Variants in RAD18 observed in about 807,000 individuals in gnomAD.
RAD18 encodes the protein RAD18 E3 ubiquitin protein ligase.
In RAD18, 47 loss-of-function variants were observed where a neutral mutation model predicts 60.4. That is an observed-to-expected ratio of 0.78 (90% CI 0.62 to 0.99). The LOEUF is 0.99. RAD18 is among the 50% of genes least tolerant of loss of function. The pLI, the probability that RAD18 is intolerant of heterozygous loss-of-function variation, is 0.00. For missense variants in RAD18, 640 were observed against 593.3 expected, an observed-to-expected ratio of 1.08 and a Z score of -0.82; for synonymous variants, 225 against 195.5, an observed-to-expected ratio of 1.15 and a Z score of -1.26.
intron 7 of RAD18, among the ~76,000 whole-genome samples, chr3:8,924,179 G>T (rs1165863394): frequency 6.6e-6 from 1 of 151,914 alleles, no homozygotes; most frequent in East Asian, 1.9e-4. Context: ...CTCACATGCA[G>T]AGACACACAT....
chr3:8,913,788 T>C lies in RAD18; in HGVS notation c.890-68A>G. The C allele has an allele frequency of 2.9e-6, 3 of 1,020,692 alleles. No individual in the cohort carries two copies. The East Asian group carries it at 8.0e-5, about 27-fold the overall frequency. The allele number at this position is 1,020,692 out of a possible 1,614,324, so 63.2% of individuals were successfully genotyped here. On this transcript the variant is annotated intron_variant, in intron 7 of 12. Coordinates refer to ENST00000264926, the MANE Select transcript of RAD18 (RefSeq NM_020165.4). ...TTTTTAATCACTGTACAATAATTAT[T>C]TAAGTTGTTAACATTAGAAGAAGAT...
chr3:8,917,087 A>G (rs1157138082), intron 7 of RAD18, among the ~76,000 whole-genome samples: 2 of 152,188 alleles, frequency 1.3e-5, no homozygotes, highest in Non-Finnish European at 2.9e-5. Flanking sequence ...AAAAAGACAC[A>G]TTATATAAAG....
chr3:8,881,108 G>A lies in RAD18; in HGVS notation c.*249C>T. 2.4e-6 allele frequency: 1 copy of A among 418,548 alleles called. No individual in the cohort carries two copies. Among genetic ancestry groups the A allele is most frequent in the Non-Finnish European group, 4.3e-6 (1 of 231,362 alleles). The allele number at this position is 418,548 out of a possible 1,614,324, so 25.9% of individuals were successfully genotyped here. ...CCAAAGAGTCTACCTCCTCTGCAAA[G>A]CTGGTACCTGTGTGAAATGTCAGTA... is the stretch of plus-strand genomic sequence containing the variant. On this transcript the variant is annotated 3_prime_UTR_variant, in exon 13 of 13. Coordinates refer to ENST00000264926, the MANE Select transcript of RAD18 (RefSeq NM_020165.4).
At chr3:8,912,452 A>C in intron 8 of RAD18, 80 bp from the exon 9 acceptor site, 177 of 965,092 alleles carry the variant, frequency 1.8e-4, no homozygotes, top group Middle Eastern at 4.3e-4. Flanking sequence ...TTCAAATCTC[A>C]AATGTGAGTG....
chr3:8,930,565 G>T (rs1442213820), intron 7 of RAD18, among the ~76,000 whole-genome samples: 1 of 151,984 alleles, frequency 6.6e-6, no homozygotes, highest in Non-Finnish European at 1.5e-5. Context: ...AGTATTATAT[G>T]AATTATATTT....
chr3:8,885,030 T>C (rs1939533825), intron 12 of RAD18, among the ~76,000 whole-genome samples: 1 of 152,260 alleles, frequency 6.6e-6, no homozygotes, highest in Non-Finnish European at 1.5e-5. Flanking sequence ...GGCATCTATC[T>C]ACTGTTAAAG....
At chr3:8,882,583 G>C (rs1260109719) in intron 12 of RAD18, among the ~76,000 whole-genome samples, 1 of 152,138 alleles carries the variant, frequency 6.6e-6, no homozygotes, top group Non-Finnish European at 1.5e-5. Flanking sequence ...CTAGCAACAA[G>C]CAATAAGCAG....
rs1326662075 is a variant in RAD18, at chr3:8,936,023, GT to G, written c.736del (p.Thr246LeufsTer11). 1.2e-6 allele frequency: 2 copies of G among 1,600,660 alleles called. No individual in the cohort carries two copies. Among genetic ancestry groups the G allele is most frequent in the Admixed American group, 1.7e-5 (1 of 57,152 alleles). On this transcript the variant is annotated frameshift_variant, in exon 7 of 13. Coordinates refer to ENST00000264926, the MANE Select transcript of RAD18 (RefSeq NM_020165.4). LOFTEE classifies it high-confidence loss of function. ...SVHKRKPLPK[T>X]VYNLLSDRDL... ...ACGATCAGAGAGCAAATTATATACA[GT>G]TTTGGGCAGCGGCTTCCTTTTGTGA...
rs1481079827 is a variant in RAD18 at position 8,880,120 on chromosome 3, T to C, written c.*1237A>G. 1 of 152,178 alleles carries C rather than the reference T, an allele frequency of 6.6e-6. No individual in the cohort carries two copies. Among genetic ancestry groups the C allele is most frequent in the Non-Finnish European group, 1.5e-5 (1 of 68,034 alleles). 9.4% of individuals were successfully genotyped at this position (152,178 alleles called of 1,614,324 possible). A position where few individuals can be genotyped will look rare whatever the true frequency, so the allele number is the denominator to read the frequency against. ...GAAATTATTATGACAAATTTTTCTA[T>C]AGCCATTTCTAACACAGGGAACTCA... On this transcript the variant is annotated 3_prime_UTR_variant, in exon 13 of 13. Coordinates refer to ENST00000264926, the MANE Select transcript of RAD18 (RefSeq NM_020165.4).
chr3:8,960,444 T>C (rs902889521), intron 1 of RAD18, among the ~76,000 whole-genome samples: 4 of 152,214 alleles, frequency 2.6e-5, no homozygotes, highest in Non-Finnish European at 5.9e-5. Flanking sequence ...TTTATGTGTA[T>C]TTTGAACCAT....
intron 12 of RAD18, among the ~76,000 whole-genome samples, chr3:8,884,748 T>G (rs564238832): frequency 6.6e-6 from 1 of 152,314 alleles, no homozygotes; most frequent in African/African-American, 2.4e-5. Context: ...GGGGAGTTCC[T>G]GGCAAGGATC....
intron 11 of RAD18, among the ~76,000 whole-genome samples, chr3:8,893,646 C>A (rs923336997): frequency 6.6e-6 from 1 of 151,902 alleles, no homozygotes; most frequent in Non-Finnish European, 1.5e-5. Context: ...GAGCAACTAC[C>A]TCTACAGGCC....
At chr3:8,928,348 A>C (rs749880191) in intron 7 of RAD18, among the ~76,000 whole-genome samples, 13 of 152,318 alleles carry the variant, frequency 8.5e-5, no homozygotes, top group Non-Finnish European at 1.5e-4. Context: ...AAATGAAATT[A>C]AAATAGTTTA....
intron 9 of RAD18, among the ~76,000 whole-genome samples, chr3:8,909,197 A>T (rs1335663211): frequency 6.6e-6 from 1 of 152,204 alleles, no homozygotes; most frequent in African/African-American, 2.4e-5. Flanking sequence ...ACAAGGAGTA[A>T]GGGGAGGAGA....
intron 9 of RAD18, among the ~76,000 whole-genome samples, chr3:8,908,733 T>A (rs763536861): frequency 2.6e-5 from 4 of 152,250 alleles, no homozygotes; most frequent in Non-Finnish European, 4.4e-5. Context: ...AAGTAATTAA[T>A]TGCACAATAA....
intron 12 of RAD18, among the ~76,000 whole-genome samples, chr3:8,881,930 C>T (rs1287571210): frequency 1.3e-5 from 2 of 152,218 alleles, no homozygotes; most frequent in Non-Finnish European, 2.9e-5. Context: ...AACGAGGTGG[C>T]TGCCATACAA....
At chr3:8,898,195 T>G (rs1939827494) in intron 11 of RAD18, among the ~76,000 whole-genome samples, 1 of 152,086 alleles carries the variant, frequency 6.6e-6, no homozygotes, top group Non-Finnish European at 1.5e-5. Context: ...TCTGGTAAAT[T>G]ATAGCGCAGA....
intron 4 of RAD18, among the ~76,000 whole-genome samples, chr3:8,942,131 C>T (rs1181930355): frequency 1.3e-5 from 2 of 152,132 alleles, no homozygotes; most frequent in Admixed American, 1.3e-4. Flanking sequence ...TCCACCAAAT[C>T]TCACACTGAA....
At chr3:8,885,798 T>C (rs971322078) in intron 12 of RAD18, among the ~76,000 whole-genome samples, 1 of 152,238 alleles carries the variant, frequency 6.6e-6, no homozygotes, top group African/African-American at 2.4e-5. Flanking sequence ...ACACAACCCA[T>C]GTTCATTCTG....
Sources: allele counts gnomAD v4.1 joint callset (sites outside exome capture counted in the v4.1 genomes callset), GRCh38; gene constraint gnomAD v4.1.1; transcripts MANE v1.5; gene names NCBI Gene and HGNC (gene_info 2026-07-23, HGNC 2026-07-21).